ANGEL1: variants seen among roughly 807,000 people sequenced by gnomAD.
ANGEL1 encodes the protein angel homolog 1.
ANGEL1 carries 62 observed loss-of-function variants against 76.4 expected under a neutral mutation model. The ratio of observed to expected loss-of-function variants is 0.81; its 90% CI spans 0.66 to 1.00. The LOEUF (loss-of-function observed/expected upper bound fraction) is 1.00, where lower values mean the gene tolerates loss of function less well. Ranked by LOEUF, ANGEL1 falls within the 50% of genes least tolerant of loss-of-function variation. The probability of loss-of-function intolerance (pLI) is 0.00; values close to 1 mark genes in which losing one functional copy is unlikely to be tolerated. For missense variants in ANGEL1, 737 were observed against 836.7 expected (o/e 0.88, Z 1.47); for synonymous variants, 340 against 331.7 (o/e 1.03, Z -0.27).
At chr14:76,799,277 CCTTTTT>C (rs1196375126) in intron 7 of ANGEL1, among the ~76,000 whole-genome samples, 19 of 87,584 alleles carry the variant, frequency 2.2e-4, no homozygotes, top group South Asian at 3.8e-4. Context: ...TTCATGGCCT[CCTTTTT>C]TTTTTTTTTT....
chr14:76,794,003 C>T (rs1360632907), intron 7 of ANGEL1, among the ~76,000 whole-genome samples: 1 of 152,078 alleles, frequency 6.6e-6, no homozygotes, highest in Non-Finnish European at 1.5e-5. Context: ...AGAAGGCGGA[C>T]TACTATATAC....
Position 76,808,081 on chromosome 14 carries a change from A to T in ANGEL1, c.717T>A (p.Asp239Glu). Residue 239 changes from aspartate (D) to glutamate (E), a missense_variant, in exon 3 of 10, where the codon GAT (aspartate) becomes GAA (glutamate). Asp to Glu is a conservative substitution (Grantham distance 45). Coordinates refer to ENST00000251089, the MANE Select transcript of ANGEL1 (RefSeq NM_015305.4). ...TCAGAGTGAACTGGAACTGAGGGCC[A>T]TCTCCTGCCTTCAGGCCCTGAGCAT... The part of the protein sequence containing the change: ...QPDAQGLKAG[D>E]GPQFQFTLMS... 4 of 1,614,034 alleles carry T rather than the reference A, an allele frequency of 2.5e-6. No homozygotes were observed. The highest frequency in any genetic ancestry group is 2.5e-6 in the Non-Finnish European group (3 of 1,180,040).
At chr14:76,812,228 G>A (rs1895109112) in intron 1 of ANGEL1, 1 of 985,200 alleles carries the variant, frequency 1.0e-6, no homozygotes, top group African/African-American at 1.7e-5. Flanking sequence ...GTCTCTGATT[G>A]AACGTCCGTT....
intron 7 of ANGEL1, among the ~76,000 whole-genome samples, chr14:76,797,968 G>A (rs1040973820): frequency 3.3e-5 from 5 of 152,252 alleles, no homozygotes; most frequent in South Asian, 2.1e-4. Context: ...GGCACCTTGG[G>A]AGGTGATTAG....
intron 7 of ANGEL1, among the ~76,000 whole-genome samples, chr14:76,802,796 C>T (rs1282744498): frequency 6.6e-6 from 1 of 152,226 alleles, no homozygotes; most frequent in African/African-American, 2.4e-5. Context: ...AGCACCCCTG[C>T]ACGATCTCCA....
chr14:76,788,239 C>G lies in ANGEL1; in HGVS notation c.*989G>C, dbSNP rs1196814500. On this transcript the variant is annotated 3_prime_UTR_variant, in exon 10 of 10. Coordinates refer to ENST00000251089, the MANE Select transcript of ANGEL1 (RefSeq NM_015305.4). The stretch of plus-strand genomic sequence containing the variant: ...CTGAGGCAGCTGAAGAGTCTACCTG[C>G]TCCTTCCCCTACTGGAACTCCTACC... 6.6e-6 allele frequency: 1 copy of G among 152,278 alleles called. No homozygotes were observed. The highest frequency in any genetic ancestry group is 1.9e-4 in the East Asian group (1 of 5,198). 9.4% of individuals were successfully genotyped at this position (152,278 alleles called of 1,614,324 possible).
At chr14:76,797,724 A>G (rs547205623) in intron 7 of ANGEL1, among the ~76,000 whole-genome samples, 1 of 152,368 alleles carries the variant, frequency 6.6e-6, no homozygotes, top group East Asian at 1.9e-4. Context: ...TTTGTTAACT[A>G]GGAGTTTACA....
Position 76,786,704 on chromosome 14 carries a change from T to C in ANGEL1, c.*2524A>G, listed in dbSNP as rs1397473614. 1 of 151,874 alleles carries C rather than the reference T, an allele frequency of 6.6e-6. No homozygotes were observed. The highest frequency in any genetic ancestry group is 6.6e-5 in the Admixed American group (1 of 15,252). 9.4% of individuals were successfully genotyped at this position (151,874 alleles called of 1,614,324 possible). A position where few individuals can be genotyped will look rare whatever the true frequency, so the allele number is the denominator to read the frequency against. ...TGGAAGACAAAAGCACCAACAGAGG[T>C]AGGCCTAGGAAGGAAGAGACATTTT... On this transcript the variant is annotated 3_prime_UTR_variant, in exon 10 of 10. Coordinates refer to ENST00000251089, the MANE Select transcript of ANGEL1 (RefSeq NM_015305.4).
chr14:76,792,640 C>T (rs1894440260), intron 7 of ANGEL1, among the ~76,000 whole-genome samples: 1 of 151,898 alleles, frequency 6.6e-6, no homozygotes, highest in Admixed American at 6.6e-5. Context: ...TAAAAAAAAG[C>T]CACATGATTA....
rs1895011230 is a variant in ANGEL1, at chr14:76,809,211, A to G, written c.497T>C (p.Val166Ala). 1.2e-6 allele frequency: 2 copies of G among 1,613,314 alleles called. No individual in the cohort carries two copies. The highest frequency in any genetic ancestry group is 2.7e-5 in the African/African-American group (2 of 75,006). Residue 166 changes from valine (V) to alanine (A), a missense_variant, in exon 2 of 10, where the codon GTG becomes GCG. Transcript: ENST00000251089. ...CCACTGCTCTGTGGCCAGGGCACCC[A>G]CTGGGAGGGCAGCACAGTCTGCATA... is the stretch of plus-strand genomic sequence containing the variant. ...PQYADCAALPVGALATEQWEE... is the reference protein window; with the variant it reads ...PQYADCAALPAGALATEQWEE...
At position 76,793,474 on chromosome 14, in the gene ANGEL1, AGAG is replaced by A. The variant is rs149746980; in HGVS notation, c.1619-2111_1619-2109del. Among the ~76,000 whole-genome samples, 1,234 of 127,300 alleles carry A rather than the reference AGAG, an allele frequency of 9.7e-3. 21 individuals are homozygous for A. The highest frequency in any genetic ancestry group is 0.036 in the African/African-American group (1,186 of 33,202). 83.5% of individuals were successfully genotyped at this position (127,300 alleles called of 152,430 possible). On this transcript the variant is annotated intron_variant, in intron 7 of 9. Coordinates refer to ENST00000251089, the MANE Select transcript of ANGEL1 (RefSeq NM_015305.4). Reference sequence around the variant, plus strand: ...GAAGGAAGAAGAGGGAGGAAAGGGGAGAGGAGGAGAAAAAGGAGGAGGAAAAAA... The same window carrying A: ...GAAGGAAGAAGAGGGAGGAAAGGGGAGAGGAGAAAAAGGAGGAGGAAAAAA...
chr14:76,795,235 C>T (rs1209859042), intron 7 of ANGEL1, among the ~76,000 whole-genome samples: 2 of 152,146 alleles, frequency 1.3e-5, no homozygotes, highest in Non-Finnish European at 2.9e-5. Flanking sequence ...GTCTCTTCAA[C>T]ATCTATACAG....
intron 7 of ANGEL1, among the ~76,000 whole-genome samples, chr14:76,801,692 T>C (rs1431923666): frequency 6.6e-6 from 1 of 152,190 alleles, no homozygotes; most frequent in Non-Finnish European, 1.5e-5. Context: ...AGTTATCTAT[T>C]CCTACTTGTG....
At chr14:76,793,425 GGGA>G (rs149307840) in intron 7 of ANGEL1, among the ~76,000 whole-genome samples, 1,090 of 82,164 alleles carry the variant, frequency 0.013, 30 homozygotes, top group Non-Finnish European at 0.021. Context: ...AAGAGGAGAG[GGGA>G]GGAGGAGGAG....
In ANGEL1 at chr14:76,804,209, A is replaced by G. The variant is rs542248645; in HGVS notation, c.1381-297T>C. On this transcript the variant is annotated intron_variant, in intron 5 of 9. Coordinates refer to ENST00000251089, the MANE Select transcript of ANGEL1 (RefSeq NM_015305.4). ...CCTAAATTTTACCTCTGAAAAATCA[A>G]TACAATTCTCCTCCACAGGGAATAT... 4 of 1,409,112 alleles carry G rather than the reference A, an allele frequency of 2.8e-6. No homozygotes were observed. The Admixed American group carries it at 9.4e-5, about 33-fold the overall frequency. The allele number at this position is 1,409,112 out of a possible 1,614,324, so 87.3% of individuals were successfully genotyped here.
At chr14:76,793,557 G>GTTTTTTT (rs113463837) in intron 7 of ANGEL1, among the ~76,000 whole-genome samples, 1 of 131,868 alleles carries the variant, frequency 7.6e-6, no homozygotes, top group Non-Finnish European at 1.6e-5. Flanking sequence ...GGTTTTTTTG[G>GTTTTTTT]TTTTTTTTTT....
At chr14:76,793,399 A>AGGGTAGGG (rs1566695787) in intron 7 of ANGEL1, among the ~76,000 whole-genome samples, 2 of 30,714 alleles carry the variant, frequency 6.5e-5, no homozygotes, top group Non-Finnish European at 1.3e-4. Context: ...AGAGGAGGGG[A>AGGGTAGGG]GAGGGGATAA....
In ANGEL1 at chr14:76,806,834, T is replaced by C. The variant is rs1230723855; in HGVS notation, c.962A>G (p.Tyr321Cys). ...GGTTTTACACCCAGTCCTCCTCTTG[T>C]AGAAACAGGTAAAGCCTGCAAGGAA... ...SLRMMGFTCF[Y>C]KRRTGCKTDG... Residue 321 changes from tyrosine (Y) to cysteine (C), a missense_variant, in exon 5 of 10, where the codon TAC (tyrosine) becomes TGC (cysteine). Physicochemically the swap from Tyr to Cys is radical, Grantham distance 194. This residue lies in a region of ANGEL1 where 441 missense variants were observed against 449.5 expected (regional missense o/e 0.98). Coordinates refer to ENST00000251089, the MANE Select transcript of ANGEL1 (RefSeq NM_015305.4). The C allele has an allele frequency of 6.2e-7, 1 of 1,613,156 alleles. No homozygotes were observed. Among genetic ancestry groups the C allele is most frequent in the Non-Finnish European group, 8.5e-7 (1 of 1,179,642 alleles).
chr14:76,798,572 AAAG>A lies in ANGEL1; in HGVS notation c.1618+4796_1618+4798del, dbSNP rs1252060882. Among the ~76,000 whole-genome samples the A allele has an allele frequency of 2.0e-5, 3 of 152,224 alleles. No homozygotes were observed. In the East Asian group the frequency reaches 5.8e-4, roughly 29 times the overall value. On this transcript the variant is annotated intron_variant, in intron 7 of 9. Transcript: ENST00000251089. Reference sequence around the variant, plus strand: ...ATATCTTTAAGAACCATACTGGAAAAAAGAAATCATTTATAATAGAAATGCTGA... The same window carrying A: ...ATATCTTTAAGAACCATACTGGAAAAAAATCATTTATAATAGAAATGCTGA...
Sources: gnomAD v4.1 joint callset for allele counts (sites outside exome capture counted in the v4.1 genomes callset) on GRCh38, gnomAD v4.1.1 for gene constraint, gnomAD v4.1.1 regional missense constraint, MANE v1.5 for transcripts, NCBI Gene and HGNC (gene_info 2026-07-23, HGNC 2026-07-21) for gene names.